The following JAKMIP2 variants were observed in gnomAD, a reference collection of about 807,000 sequenced individuals.
JAKMIP2 encodes the protein janus kinase and microtubule interacting protein 2, also known as janus kinase and microtubule-interacting protein 2.
JAKMIP2 carries 25 observed loss-of-function variants against 115.0 expected under a neutral mutation model. The ratio of observed to expected loss-of-function variants is 0.22; its 90% confidence interval spans 0.16 to 0.30. JAKMIP2 has a LOEUF of 0.30. Among genes scored for constraint, JAKMIP2 ranks in the 10% least tolerant of loss-of-function variants. JAKMIP2 has a pLI of 1.00. For synonymous variants in JAKMIP2, 334 were observed against 343.6 expected, an observed-to-expected ratio of 0.97 and a Z score of 0.31; for missense variants, 642 against 957.6, an observed-to-expected ratio of 0.67 and a Z score of 4.35.
intron 1 of JAKMIP2, among the ~76,000 whole-genome samples, chr5:147,723,035 G>T (rs1012204501): frequency 8.5e-6 from 1 of 117,514 alleles, no homozygotes; most frequent in African/African-American, 3.1e-5. Flanking sequence ...ATTTAACCAC[G>T]CATCATCAAC....
chr5:147,695,874 A>G (rs990275063), intron 1 of JAKMIP2, among the ~76,000 whole-genome samples: 4 of 152,186 alleles, frequency 2.6e-5, no homozygotes, highest in African/African-American at 9.7e-5. Flanking sequence ...GCAAAATTAC[A>G]TAGAATAACA....
At chr5:147,603,086 TG>T (rs1238294886) in intron 20 of JAKMIP2, among the ~76,000 whole-genome samples, 3 of 152,194 alleles carry the variant, frequency 2.0e-5, no homozygotes, top group Non-Finnish European at 4.4e-5. Flanking sequence ...GCTACCTCTT[TG>T]GGCATGAGGA....
chr5:147,722,283 G>T (rs1753343482), intron 1 of JAKMIP2, among the ~76,000 whole-genome samples: 1 of 152,158 alleles, frequency 6.6e-6, no homozygotes, highest in African/African-American at 2.4e-5. Context: ...TAAGGATGCT[G>T]TTATAACTTG....
intron 21 of JAKMIP2, chr5:147,595,373 A>G (rs1755315278): frequency 2.2e-6 from 1 of 450,770 alleles, no homozygotes; most frequent in African/African-American, 2.0e-5. Context: ...AGAGCTGGAG[A>G]GAACTAACTT....
chr5:147,589,949 T>TC lies in JAKMIP2; in HGVS notation c.*1757dup, dbSNP rs1755034213. The TC allele has an allele frequency of 6.6e-6, 1 of 152,224 alleles. No homozygotes were observed. Among genetic ancestry groups the TC allele is most frequent in the Non-Finnish European group, 1.5e-5 (1 of 68,040 alleles). 9.4% of individuals were successfully genotyped at this position (152,224 alleles called of 1,614,324 possible). On this transcript the variant is annotated 3_prime_UTR_variant, in exon 22 of 22. Coordinates refer to ENST00000616793, the MANE Select transcript of JAKMIP2 (RefSeq NM_001270941.2). ...TTGTGCTACTTTAAGCACCTCTTGT[T>TC]CTAAAATTGCAAATAAAACTTTATG...
chr5:147,762,028 T>C (rs907752501), intron 1 of JAKMIP2, among the ~76,000 whole-genome samples: 6 of 151,438 alleles, frequency 4.0e-5, no homozygotes, highest in Admixed American at 2.6e-4. Flanking sequence ...TGGGAAAAAA[T>C]AGGCTTCACA....
At chr5:147,599,907 T>A (rs762554816) in intron 21 of JAKMIP2, among the ~76,000 whole-genome samples, 5 of 152,102 alleles carry the variant, frequency 3.3e-5, no homozygotes, top group Non-Finnish European at 7.4e-5. Context: ...GGATTAAATG[T>A]ATCTATTACT....
chr5:147,654,001 G>A (rs778271205), intron 3 of JAKMIP2, among the ~76,000 whole-genome samples: 3 of 152,142 alleles, frequency 2.0e-5, no homozygotes, highest in Non-Finnish European at 4.4e-5. Context: ...TGTCAGGTTT[G>A]TCGAAGATCA....
chr5:147,592,442 G>A (rs141655783), intron 21 of JAKMIP2, among the ~76,000 whole-genome samples: 3 of 152,310 alleles, frequency 2.0e-5, no homozygotes, highest in Non-Finnish European at 4.4e-5. Flanking sequence ...CCCTGGGGAT[G>A]TGCCAGTCAG....
chr5:147,702,636 GAAA>G (rs1561547508), intron 1 of JAKMIP2, among the ~76,000 whole-genome samples: 46 of 122,778 alleles, frequency 3.7e-4, no homozygotes, highest in Non-Finnish European at 5.6e-4. Context: ...AAGAAAGAAA[GAAA>G]GAAAGAAAGA....
intron 21 of JAKMIP2, among the ~76,000 whole-genome samples, chr5:147,597,269 G>T (rs904715919): frequency 3.3e-5 from 5 of 152,004 alleles, no homozygotes; most frequent in Non-Finnish European, 7.4e-5. Context: ...GTAAATATTT[G>T]CACGTTTTAA....
At chr5:147,732,763 C>T (rs1050845199) in intron 1 of JAKMIP2, among the ~76,000 whole-genome samples, 1 of 152,174 alleles carries the variant, frequency 6.6e-6, no homozygotes, top group Non-Finnish European at 1.5e-5. Context: ...GGTTAACTAG[C>T]TTGCCCAGTG....
intron 19 of JAKMIP2, among the ~76,000 whole-genome samples, chr5:147,616,727 G>A (rs1203174907): frequency 6.6e-6 from 1 of 152,146 alleles, no homozygotes. Flanking sequence ...AAACTTTTGT[G>A]ATGGAATCTG....
At chr5:147,775,981 T>A (rs891567249) in intron 1 of JAKMIP2, among the ~76,000 whole-genome samples, 6 of 152,144 alleles carry the variant, frequency 3.9e-5, no homozygotes, top group African/African-American at 1.4e-4. Context: ...AACACACAGG[T>A]TGCAGAGAGT....
intron 1 of JAKMIP2, among the ~76,000 whole-genome samples, chr5:147,699,663 A>G (rs1269361833): frequency 2.0e-5 from 3 of 152,238 alleles, no homozygotes; most frequent in Non-Finnish European, 4.4e-5. Flanking sequence ...GCAAAAGCCA[A>G]TCGCAGAACA....
At chr5:147,719,800 C>A (rs1199671786) in intron 1 of JAKMIP2, among the ~76,000 whole-genome samples, 1 of 151,786 alleles carries the variant, frequency 6.6e-6, no homozygotes, top group Non-Finnish European at 1.5e-5. Context: ...GACTCTTTAT[C>A]CAATTTGCCA....
intron 21 of JAKMIP2, among the ~76,000 whole-genome samples, chr5:147,597,054 T>C (rs1421463664): frequency 1.3e-5 from 2 of 151,714 alleles, no homozygotes; most frequent in Non-Finnish European, 2.9e-5. Context: ...TGTATTTTTT[T>C]TTTTTTTTTA....
chr5:147,770,294 T>G (rs1164060553), intron 1 of JAKMIP2, among the ~76,000 whole-genome samples: 1 of 152,136 alleles, frequency 6.6e-6, no homozygotes, highest in Admixed American at 6.6e-5. Flanking sequence ...CTATCTACAG[T>G]GACTCCAAAG....
At chr5:147,760,520 G>A (rs144613980) in intron 1 of JAKMIP2, among the ~76,000 whole-genome samples, 289 of 152,002 alleles carry the variant, frequency 1.9e-3, no homozygotes, top group African/African-American at 6.5e-3. Flanking sequence ...GAAAAAGAAA[G>A]AGAAAAAAAT....
Sources: gnomAD v4.1 joint callset for allele counts (sites outside exome capture counted in the v4.1 genomes callset) on GRCh38, gnomAD v4.1.1 for gene constraint, MANE v1.5 for transcripts, NCBI Gene and HGNC (gene_info 2026-07-23, HGNC 2026-07-21) for gene names.